The following ZNF25 variants were observed in gnomAD, a reference collection of about 807,000 sequenced individuals.
ZNF25 encodes zinc finger protein 25.
In ZNF25, 21 loss-of-function variants were observed where a neutral mutation model predicts 30.9. That is an observed-to-expected ratio of 0.68 (90% CI 0.48 to 0.98). ZNF25 has a LOEUF of 0.98. ZNF25 is among the 50% of genes least tolerant of loss of function. The pLI, the probability that ZNF25 is intolerant of heterozygous loss-of-function variation, is 0.00. For missense variants in ZNF25, 501 were observed against 529.9 expected (o/e 0.95, Z 0.54); for synonymous variants, 169 against 181.3 (o/e 0.93, Z 0.55).
intron 2 of ZNF25, among the ~76,000 whole-genome samples, chr10:37,970,198 A>T (rs140280949): frequency 2.5e-4 from 38 of 152,342 alleles, no homozygotes; most frequent in Middle Eastern, 3.4e-3. Flanking sequence ...ACTGATCAAT[A>T]TTCCTCATGG....
At position 37,957,001 on chromosome 10, in the gene ZNF25, A is replaced by ATAATTTCTTC; in HGVS notation, c.238+9_238+18dup. On this transcript the variant is annotated intron_variant, in intron 4 of 5. Coordinates refer to ENST00000302609, the MANE Select transcript of ZNF25 (RefSeq NM_145011.4). ...CAACTACTCACCAGTAACATGGGAT[A>ATAATTTCTTC]TAATTTCTTCTAACTCACCAGGGAA... is the stretch of plus-strand genomic sequence containing the variant. 1 of 1,600,568 alleles carries ATAATTTCTTC rather than the reference A, an allele frequency of 6.2e-7. No individual in the cohort carries two copies. Among genetic ancestry groups the ATAATTTCTTC allele is most frequent in the East Asian group, 2.2e-5 (1 of 44,782 alleles).
intron 1 of ZNF25, among the ~76,000 whole-genome samples, chr10:37,975,129 T>C (rs2135471470): frequency 6.6e-6 from 1 of 152,184 alleles, no homozygotes; most frequent in Non-Finnish European, 1.5e-5. Context: ...GAGTGAGGAA[T>C]GAAGAGAGGT....
intron 4 of ZNF25, among the ~76,000 whole-genome samples, chr10:37,954,364 A>G (rs1484269868): frequency 6.6e-6 from 1 of 152,208 alleles, no homozygotes; most frequent in Non-Finnish European, 1.5e-5. Context: ...TCATGCTTAG[A>G]GGAAGAGTCC....
At chr10:37,966,445 G>A (rs1180172947) in intron 2 of ZNF25, among the ~76,000 whole-genome samples, 2 of 151,808 alleles carry the variant, frequency 1.3e-5, no homozygotes. Context: ...ACCTGAGACT[G>A]GGTAATTTAC....
chr10:37,974,897 T>A lies in ZNF25; in HGVS notation c.-86+1609A>T, dbSNP rs117564193. Among the ~76,000 whole-genome samples the A allele has an allele frequency of 6.3e-3, 963 of 152,318 alleles. 57 individuals carry two copies. In the East Asian group the frequency reaches 0.13, roughly 20 times the overall value. ...CAATGCATGAATAGATAATGAAAAT[T>A]GTGGTATATATACACAATGGAATAT... On this transcript the variant is annotated intron_variant, in intron 1 of 5. Coordinates refer to ENST00000302609, the MANE Select transcript of ZNF25 (RefSeq NM_145011.4).
chr10:37,957,560 C>T lies in ZNF25; in HGVS notation c.16-14G>A. The T allele has an allele frequency of 6.2e-7, 1 of 1,609,890 alleles. No individual in the cohort carries two copies. The highest frequency in any genetic ancestry group is 1.1e-5 in the South Asian group (1 of 90,210). On this transcript the variant is annotated splice_polypyrimidine_tract_variant and intron_variant, in intron 2 of 5. Coordinates refer to ENST00000302609, the MANE Select transcript of ZNF25 (RefSeq NM_145011.4). ...TGTCACGGGTCCCTGGAATAACATA[C>T]TTCAGTTCAATTTGAAGTAACCAGA...
At chr10:37,954,775 A>G (rs2062410597) in intron 4 of ZNF25, among the ~76,000 whole-genome samples, 1 of 152,184 alleles carries the variant, frequency 6.6e-6, no homozygotes, top group Non-Finnish European at 1.5e-5. Flanking sequence ...TGGGGTTGGA[A>G]TTTCATAGCA....
At chr10:37,969,316 A>G (rs2063356893) in intron 2 of ZNF25, among the ~76,000 whole-genome samples, 1 of 152,216 alleles carries the variant, frequency 6.6e-6, no homozygotes, top group Admixed American at 6.5e-5. Context: ...ATACTTACAG[A>G]TGAATTTGCA....
chr10:37,952,152 G>T lies in ZNF25; in HGVS notation c.1346C>A (p.Thr449Lys). The stretch of plus-strand genomic sequence containing the variant: ...TTACTTCTCAGCATTCCTCTTCTTT[G>T]TGTGTGTCTTCTGATGTGCAGTGAG... ...SQLTAHQKTH[T>K]KKRNAEK Residue 449 changes from threonine to lysine, a missense_variant, in exon 6 of 6, where the codon ACA becomes AAA. Coordinates refer to ENST00000302609, the MANE Select transcript of ZNF25 (RefSeq NM_145011.4). 3 of 1,577,386 alleles carry T rather than the reference G, an allele frequency of 1.9e-6. No individual in the cohort carries two copies. Among genetic ancestry groups the T allele is most frequent in the Admixed American group, 1.9e-5 (1 of 52,450 alleles).
intron 2 of ZNF25, among the ~76,000 whole-genome samples, chr10:37,964,988 C>T (rs148957562): frequency 6.6e-6 from 1 of 152,328 alleles, no homozygotes; most frequent in Non-Finnish European, 1.5e-5. Context: ...CTGTTCCCCA[C>T]ATCTCAGCTG....
intron 4 of ZNF25, among the ~76,000 whole-genome samples, chr10:37,955,385 G>A (rs2062455049): frequency 6.6e-6 from 1 of 152,112 alleles, no homozygotes; most frequent in African/African-American, 2.4e-5. Flanking sequence ...TACCATGCAG[G>A]CTTCTGGCAA....
At position 37,952,329 on chromosome 10, in the gene ZNF25, C is replaced by T. The variant is rs578122938; in HGVS notation, c.1169G>A (p.Arg390Lys). The change falls in exon 6 of 6, where the codon AGG becomes AAG. Residue 390 changes from arginine to lysine, a missense_variant. Coordinates refer to ENST00000302609, the MANE Select transcript of ZNF25 (RefSeq NM_145011.4). ...ATAGGGCTTCTCTCCTGTGTGAGTC[C>T]TTTGATGTAATCTGAGGACTGAATT... is the stretch of plus-strand genomic sequence containing the variant. ...AVNSVLRLHQ[R>K]THTGEKPYAC... 6.2e-7 allele frequency: 1 copy of T among 1,613,206 alleles called. No homozygotes were observed. Among genetic ancestry groups the T allele is most frequent in the East Asian group, 2.2e-5 (1 of 44,848 alleles).
intron 2 of ZNF25, among the ~76,000 whole-genome samples, chr10:37,963,100 T>C (rs924994942): frequency 6.6e-6 from 1 of 151,524 alleles, no homozygotes; most frequent in South Asian, 2.1e-4. Flanking sequence ...ACTTTTTTTT[T>C]CTTTTCTATT....
intron 2 of ZNF25, among the ~76,000 whole-genome samples, chr10:37,964,425 T>C (rs772037158): frequency 1.3e-5 from 2 of 152,172 alleles, no homozygotes; most frequent in Non-Finnish European, 2.9e-5. Flanking sequence ...ATGCTGATAG[T>C]GACATGGACA....
At chr10:37,957,889 GA>G (rs2062629488) in intron 2 of ZNF25, among the ~76,000 whole-genome samples, 1 of 152,052 alleles carries the variant, frequency 6.6e-6, no homozygotes, top group South Asian at 2.1e-4. Context: ...TCTATGTTTA[GA>G]TACACAAATT....
chr10:37,975,544 T>G (rs1246031245), intron 1 of ZNF25, among the ~76,000 whole-genome samples: 3 of 152,120 alleles, frequency 2.0e-5, no homozygotes, highest in Non-Finnish European at 4.4e-5. Flanking sequence ...TTAAAAAAAT[T>G]TTTTGTCCCA....
At chr10:37,959,739 A>T (rs2062741482) in intron 2 of ZNF25, among the ~76,000 whole-genome samples, 1 of 151,678 alleles carries the variant, frequency 6.6e-6, no homozygotes, top group Admixed American at 6.6e-5. Context: ...CCTCCTGAGT[A>T]GCTGGGACTA....
chr10:37,957,030 C>T lies in ZNF25; in HGVS notation c.228G>A (p.Arg76=). 8.1e-6 allele frequency: 13 copies of T among 1,613,978 alleles called. No homozygotes were observed. Among genetic ancestry groups the T allele is most frequent in the Non-Finnish European group, 1.1e-5 (13 of 1,179,924 alleles). Residue 76 remains arginine, a synonymous_variant, in exon 4 of 6, where the codon CGG becomes CGA. Coordinates refer to ENST00000302609, the MANE Select transcript of ZNF25 (RefSeq NM_145011.4). ...TTTCTTCTAACTCACCAGGGAAGCC[C>T]CGATGTGGAAATTCTACTTCTAATA... ...PWILEVEFPH[R]GFPEDLWSIH...
At position 37,971,779 on chromosome 10, in the gene ZNF25, G is replaced by A. The variant is rs746691696; in HGVS notation, c.-57C>T. The A allele has an allele frequency of 1.4e-5, 23 of 1,613,250 alleles. No individual in the cohort carries two copies. In the African/African-American group the frequency reaches 2.8e-4, roughly 20 times the overall value. On this transcript the variant is annotated 5_prime_UTR_variant, in exon 2 of 6. Coordinates refer to ENST00000302609, the MANE Select transcript of ZNF25 (RefSeq NM_145011.4). ...GCAAAGCCAGAGCAGAAATCATAAG[G>A]GACCTTAGCTGGCAGCCCCAGGAAT...
Sources: allele counts gnomAD v4.1 joint callset (sites outside exome capture counted in the v4.1 genomes callset), GRCh38; gene constraint gnomAD v4.1.1; transcripts MANE v1.5; gene names NCBI Gene and HGNC (gene_info 2026-07-23, HGNC 2026-07-21).